The following PEX10 variants were observed in gnomAD, a reference collection of about 807,000 sequenced individuals.
The protein encoded by PEX10 is peroxisome biogenesis factor 10.
PEX10 carries 32 observed loss-of-function variants against 38.0 expected under a neutral mutation model. That is an observed-to-expected ratio of 0.84 (90% CI 0.63 to 1.13). The LOEUF is 1.13. Ranked by LOEUF, PEX10 falls within the 50% of genes most tolerant of loss-of-function variation. The probability of loss-of-function intolerance (pLI) is 0.00; values close to 1 mark genes in which losing one functional copy is unlikely to be tolerated. For synonymous variants in PEX10, 206 were observed against 207.3 expected (o/e 0.99, Z 0.05); for missense variants, 483 against 457.7 (o/e 1.06, Z -0.51).
rs930816398 is a variant in PEX10, at chr1:2,409,448, C to T, written c.194-590G>A. On this transcript the variant is annotated intron_variant, in intron 2 of 5. Coordinates refer to ENST00000447513, the MANE Select transcript of PEX10 (RefSeq NM_002617.4). This position sits in a 1 kb window ranked among gnomAD's most constrained non-coding sequence, Gnocchi z 6.2. Reference sequence around the variant, plus strand: ...CAGGCCTCCGGTTCCTGAGGTCAAGCCCAAGGGGCACCCTGCATGCACCTT... The same window carrying T: ...CAGGCCTCCGGTTCCTGAGGTCAAGTCCAAGGGGCACCCTGCATGCACCTT... Among the ~76,000 whole-genome samples the T allele has an allele frequency of 6.6e-6, 1 of 152,098 alleles. No homozygotes were observed. Among genetic ancestry groups the T allele is most frequent in the Non-Finnish European group, 1.5e-5 (1 of 68,008 alleles).
At chr1:2,406,671 T>G (rs1643014276) in intron 4 of PEX10, 49 bp downstream of exon 4, 1 of 1,611,646 alleles carries the variant, frequency 6.2e-7, no homozygotes, top group African/African-American at 1.3e-5. Context: ...CAGGTCCTTG[T>G]GAAGTGCCCA....
In PEX10 at chr1:2,410,432, C is replaced by G; in HGVS notation, c.132G>C (p.Glu44Asp). Residue 44 changes from glutamate (E) to aspartate (D), a missense_variant, in exon 2 of 6, where the codon GAG becomes GAC. Glu to Asp is a conservative substitution (Grantham distance 45). Transcript: ENST00000447513. The surrounding 1 kb of genome is among the most constrained non-coding windows in gnomAD (Gnocchi z 5.1). ...AGAGCAGCTCAACCTCCTTCCTCCACTCCAGCCACTTCCTCGCACCTGAGA... is the reference window on the plus strand; with the variant it reads ...AGAGCAGCTCAACCTCCTTCCTCCAGTCCAGCCACTTCCTCGCACCTGAGA... Reference protein sequence around the residue: ...HSLAGARKWLEWRKEVELLSD... With the variant: ...HSLAGARKWLDWRKEVELLSD... 6.2e-7 allele frequency: 1 copy of G among 1,614,120 alleles called. No individual in the cohort carries two copies. The highest frequency in any genetic ancestry group is 8.5e-7 in the Non-Finnish European group (1 of 1,179,994).
chr1:2,406,340 G>C, intron 5 of PEX10, 144 bp downstream of exon 5: 1 of 1,071,214 alleles, frequency 9.3e-7, no homozygotes, highest in Non-Finnish European at 1.4e-6. Flanking sequence ...TGACCTACCT[G>C]GGAGCCTTTA....
intron 3 of PEX10, among the ~76,000 whole-genome samples, chr1:2,407,600 A>G (rs1398607303): frequency 4.6e-5 from 7 of 152,072 alleles, no homozygotes; most frequent in African/African-American, 1.7e-4. Context: ...CAAATCCCTC[A>G]CCAACATGGA....
chr1:2,405,573 C>T lies in PEX10; in HGVS notation c.*193G>A. On this transcript the variant is annotated 3_prime_UTR_variant, in exon 6 of 6. Coordinates refer to ENST00000447513, the MANE Select transcript of PEX10 (RefSeq NM_002617.4). Reference sequence around the variant, plus strand: ...AGGGAAATGTTCTGGGTTCAGGCGCCCCTCCCAGGGCTGAGAAAGCGCAGC... The same window carrying T: ...AGGGAAATGTTCTGGGTTCAGGCGCTCCTCCCAGGGCTGAGAAAGCGCAGC... The T allele has an allele frequency of 1.4e-6, 1 of 695,278 alleles. No homozygotes were observed. The highest frequency in any genetic ancestry group is 1.5e-5 in the South Asian group (1 of 66,430). 43.1% of individuals were successfully genotyped at this position (695,278 alleles called of 1,614,324 possible). A position where few individuals can be genotyped will look rare whatever the true frequency, so the allele number is the denominator to read the frequency against.
rs1364994783 is a variant in PEX10, at chr1:2,410,067, T to C, written c.193+304A>G. On this transcript the variant is annotated intron_variant, in intron 2 of 5. Coordinates refer to ENST00000447513, the MANE Select transcript of PEX10 (RefSeq NM_002617.4). This position sits in a 1 kb window ranked among gnomAD's most constrained non-coding sequence, Gnocchi z 5.1. ...CACACGGGCACTGCACCCTATGACATGGCTCAGCACTGTGACTCACTGGTG... is the reference window on the plus strand; with the variant it reads ...CACACGGGCACTGCACCCTATGACACGGCTCAGCACTGTGACTCACTGGTG... The C allele has an allele frequency of 7.4e-6, 3 of 404,196 alleles. No homozygotes were observed. Among genetic ancestry groups the C allele is most frequent in the African/African-American group, 2.1e-5 (1 of 48,730 alleles). The allele number at this position is 404,196 out of a possible 1,614,324, so 25.0% of individuals were successfully genotyped here. A position where few individuals can be genotyped will look rare whatever the true frequency, so the allele number is the denominator to read the frequency against.
At position 2,410,130 on chromosome 1, in the gene PEX10, C is replaced by T; in HGVS notation, c.193+241G>A. 1.9e-6 allele frequency: 1 copy of T among 513,022 alleles called. No homozygotes were observed. Among genetic ancestry groups the T allele is most frequent in the Non-Finnish European group, 3.6e-6 (1 of 280,214 alleles). The allele number at this position is 513,022 out of a possible 1,614,324, so 31.8% of individuals were successfully genotyped here. ...GCCACTGAGAAATGGGTCTCAGTGGCACCCGGGGTAAAGTCTTAAACAAAG... is the reference window on the plus strand; with the variant it reads ...GCCACTGAGAAATGGGTCTCAGTGGTACCCGGGGTAAAGTCTTAAACAAAG... On this transcript the variant is annotated intron_variant, in intron 2 of 5. Transcript: ENST00000447513. The surrounding 1 kb of genome is among the most constrained non-coding windows in gnomAD (Gnocchi z 5.1).
chr1:2,409,914 G>A lies in PEX10; in HGVS notation c.193+457C>T, dbSNP rs1643133498. ...CGAGCCCCTCGTAGGGAACCAGGCT[G>A]GCACTCGGTGGTCCTTGCTACATGC... On this transcript the variant is annotated intron_variant, in intron 2 of 5. Coordinates refer to ENST00000447513, the MANE Select transcript of PEX10 (RefSeq NM_002617.4). The surrounding 1 kb of genome is among the most constrained non-coding windows in gnomAD (Gnocchi z 6.2). 1.5e-5 allele frequency: 3 copies of A among 196,450 alleles called. No individual in the cohort carries two copies. The highest frequency in any genetic ancestry group is 3.2e-5 in the Non-Finnish European group (3 of 93,884). 12.2% of individuals were successfully genotyped at this position (196,450 alleles called of 1,614,324 possible).
Position 2,405,832 on chromosome 1 carries a change from C to T in PEX10, c.915G>A (p.Ala305=), listed in dbSNP as rs374891812. 157 of 1,592,596 alleles carry T rather than the reference C, an allele frequency of 9.9e-5. No homozygotes were observed. The East Asian group carries it at 1.0e-3, about 10-fold the overall frequency. The change falls in exon 6 of 6, where the codon GCG becomes GCA. Residue 305 remains alanine (A), a splice_region_variant and synonymous_variant. Transcript: ENST00000447513. ...ECITAWCSSK[A]ECPLCREKFP... is the part of the protein sequence containing the mutation. ...ACTTCTCCCGGCAGAGGGGACACTCCGCCTGCGGAGAGGAGAAAGGGGGTC... is the reference window on the plus strand; with the variant it reads ...ACTTCTCCCGGCAGAGGGGACACTCTGCCTGCGGAGAGGAGAAAGGGGGTC...
rs61760854 is a variant in PEX10, at chr1:2,409,621, C to T, written c.193+750G>A. ...TAGTGGTCGGCCTCTCCCCTGCCCA[C>T]GTCCCTGGAATGCCCCAAGCCTCGC... On this transcript the variant is annotated intron_variant, in intron 2 of 5. Coordinates refer to ENST00000447513, the MANE Select transcript of PEX10 (RefSeq NM_002617.4). This position sits in a 1 kb window ranked among gnomAD's most constrained non-coding sequence, Gnocchi z 6.2. 0.21 allele frequency: 32,410 copies of T among 155,878 alleles called. 3,629 individuals are homozygous for T. Among genetic ancestry groups the T allele is most frequent in the Middle Eastern group, 0.25 (74 of 300 alleles). The allele number at this position is 155,878 out of a possible 1,614,324, so 9.7% of individuals were successfully genotyped here.
Position 2,410,666 on chromosome 1 carries a change from C to T in PEX10, c.113-215G>A. ...CTGCAGACAGTCTGCGAAGAATCTC[C>T]CACCTGTGCTCATCTCTTGCTCCGG... On this transcript the variant is annotated intron_variant, in intron 1 of 5. Coordinates refer to ENST00000447513, the MANE Select transcript of PEX10 (RefSeq NM_002617.4). This position sits in a 1 kb window ranked among gnomAD's most constrained non-coding sequence, Gnocchi z 5.1. 3 of 620,938 alleles carry T rather than the reference C, an allele frequency of 4.8e-6. No homozygotes were observed. The highest frequency in any genetic ancestry group is 9.0e-6 in the Non-Finnish European group (3 of 333,194). The allele number at this position is 620,938 out of a possible 1,614,324, so 38.5% of individuals were successfully genotyped here. A position where few individuals can be genotyped will look rare whatever the true frequency, so the allele number is the denominator to read the frequency against.
rs1011412199 is a variant in PEX10 at position 2,409,107 on chromosome 1, G to C, written c.194-249C>G. Among the ~76,000 whole-genome samples the C allele has an allele frequency of 6.6e-6, 1 of 152,104 alleles. No individual in the cohort carries two copies. The highest frequency in any genetic ancestry group is 2.4e-5 in the African/African-American group (1 of 41,406). ...TGGCTCCCAGGGCCTTGGCTGGCCA[G>C]TGTCCCTCCCTCTCTTGGCTTCTCC... On this transcript the variant is annotated intron_variant, in intron 2 of 5. Coordinates refer to ENST00000447513, the MANE Select transcript of PEX10 (RefSeq NM_002617.4). This position sits in a 1 kb window ranked among gnomAD's most constrained non-coding sequence, Gnocchi z 6.2.
In PEX10 at chr1:2,406,507, T is replaced by C; in HGVS notation, c.889A>G (p.Ile297Val). The C allele has an allele frequency of 1.9e-6, 3 of 1,612,858 alleles. No homozygotes were observed. The highest frequency in any genetic ancestry group is 2.5e-6 in the Non-Finnish European group (3 of 1,179,958). ...ACCTTGCTGCTGCACCACGCGGTGA[T>C]GCACTCCCAGCAGAACAGGTGGCCG... Reference protein sequence around the residue: ...PCGHLFCWECITAWCSSKAEC... With the variant: ...PCGHLFCWECVTAWCSSKAEC... The change falls in exon 5 of 6, where the codon ATC becomes GTC. Residue 297 changes from isoleucine to valine, a missense_variant. Transcript: ENST00000447513.
At position 2,405,762 on chromosome 1, in the gene PEX10, C is replaced by T. The variant is rs754746510; in HGVS notation, c.*4G>A. The T allele has an allele frequency of 2.1e-5, 33 of 1,598,804 alleles. No individual in the cohort carries two copies. Among genetic ancestry groups the T allele is most frequent in the African/African-American group, 1.2e-4 (9 of 74,670 alleles). The stretch of plus-strand genomic sequence containing the variant: ...TCTGTGTCCAGGCCCACCCGGGCGC[C>T]GGCTCAGCGGTAGTGCCGAAGGTAG... On this transcript the variant is annotated 3_prime_UTR_variant, in exon 6 of 6. Transcript: ENST00000447513.
In PEX10 at chr1:2,405,727, G is replaced by C. The variant is rs372022952; in HGVS notation, c.*39C>G. ...ACTAAATCTTGGCGTTCAGACTCCC[G>C]TAGAGGTCATCTGTGTCCAGGCCCA... On this transcript the variant is annotated 3_prime_UTR_variant, in exon 6 of 6. Transcript: ENST00000447513. The C allele has an allele frequency of 6.5e-7, 1 of 1,540,530 alleles. No homozygotes were observed. The highest frequency in any genetic ancestry group is 1.8e-5 in the Admixed American group (1 of 54,386).
Position 2,410,115 on chromosome 1 carries a change from A to T in PEX10, c.193+256T>A. ...GTGCCACCAGGGCTGGCCACTGAGA[A>T]ATGGGTCTCAGTGGCACCCGGGGTA... is the stretch of plus-strand genomic sequence containing the variant. On this transcript the variant is annotated intron_variant, in intron 2 of 5. Coordinates refer to ENST00000447513, the MANE Select transcript of PEX10 (RefSeq NM_002617.4). The surrounding 1 kb of genome is among the most constrained non-coding windows in gnomAD (Gnocchi z 5.1). 2.1e-6 allele frequency: 1 copy of T among 479,094 alleles called. No homozygotes were observed. 29.7% of individuals were successfully genotyped at this position (479,094 alleles called of 1,614,324 possible). A position where few individuals can be genotyped will look rare whatever the true frequency, so the allele number is the denominator to read the frequency against.
intron 1 of PEX10, among the ~76,000 whole-genome samples, chr1:2,412,159 A>G (rs1251291793): frequency 6.6e-6 from 1 of 152,224 alleles, no homozygotes; most frequent in Non-Finnish European, 1.5e-5. Context: ...AGGCCCACGC[A>G]GGTCCCCCGC....
chr1:2,407,097 G>C, intron 3 of PEX10: 1 of 718,226 alleles, frequency 1.4e-6, no homozygotes, highest in East Asian at 2.7e-5. Flanking sequence ...CTAGCATGAC[G>C]GAGAGGCCTG....
At position 2,408,812 on chromosome 1, in the gene PEX10, G is replaced by T. The variant is rs756590714; in HGVS notation, c.240C>A (p.Asp80Glu). ...GEEYVSIIQV[D>E]PSRIHVPSSL... ...AGGAGGGCACATGTATCCGCGATGG[G>T]TCCACCTGGATGATGCTGACGTACT... The change falls in exon 3 of 6, where the codon GAC becomes GAA. Residue 80 changes from aspartate to glutamate, a missense_variant. By Grantham distance (45) the Asp-to-Glu change is conservative. Transcript: ENST00000447513. 11 of 1,614,084 alleles carry T rather than the reference G, an allele frequency of 6.8e-6. No individual in the cohort carries two copies. In the South Asian group the frequency reaches 1.1e-4, roughly 16 times the overall value.
Sources: allele counts gnomAD v4.1 joint callset (sites outside exome capture counted in the v4.1 genomes callset), GRCh38; gene constraint gnomAD v4.1.1; non-coding constraint Gnocchi (gnomAD v3.1); transcripts MANE v1.5; gene names NCBI Gene and HGNC (gene_info 2026-07-23, HGNC 2026-07-21).